The following MOB3B variants were observed in gnomAD, a reference collection of about 807,000 sequenced individuals.
MOB3B encodes the protein MOB kinase activator-like 2B.
MOB3B carries 7 observed loss-of-function variants against 18.7 expected under a neutral mutation model. The observed-to-expected ratio is 0.37, with a 90% confidence interval of 0.21 to 0.70. The LOEUF (loss-of-function observed/expected upper bound fraction) is 0.70. MOB3B is among the 30% of genes least tolerant of loss of function. The pLI, the probability that MOB3B is intolerant of heterozygous loss-of-function variation, is 0.52. For missense variants in MOB3B, 253 were observed against 281.3 expected (o/e 0.90, Z 0.72); for synonymous variants, 111 against 99.9 (o/e 1.11, Z -0.66).
intron 2 of MOB3B, among the ~76,000 whole-genome samples, chr9:27,368,349 T>C (rs1024159266): frequency 2.5e-4 from 29 of 115,822 alleles, no homozygotes; most frequent in African/African-American, 7.4e-4. Context: ...TACACACACA[T>C]ACATACACAC....
At chr9:27,509,086 A>T (rs1189739426) in intron 1 of MOB3B, among the ~76,000 whole-genome samples, 1 of 152,238 alleles carries the variant, frequency 6.6e-6, no homozygotes, top group Non-Finnish European at 1.5e-5. Flanking sequence ...GTACCATGCC[A>T]CCGTCTAAGT....
At position 27,452,642 on chromosome 9, in the gene MOB3B, A is replaced by G. The variant is rs572730757; in HGVS notation, c.418+2491T>C. Among the ~76,000 whole-genome samples, 3 of 152,376 alleles carry G rather than the reference A, an allele frequency of 2.0e-5. No individual in the cohort carries two copies. In the South Asian group the frequency reaches 6.2e-4, roughly 32 times the overall value. On this transcript the variant is annotated intron_variant, in intron 2 of 3. Transcript: ENST00000262244. The stretch of plus-strand genomic sequence containing the variant: ...AAATGGCTAACAGGTATATGAATGA[A>G]TAAAGAAAATGTGGTATATATACAC...
rs534168060 is a variant in MOB3B, at chr9:27,329,638, C to T, written c.*949G>A. Reference sequence around the variant, plus strand: ...CAAATAACCAATTGTACTTTTTTCACTGAAATGTTAGTATTATGTAGAGAC... The same window carrying T: ...CAAATAACCAATTGTACTTTTTTCATTGAAATGTTAGTATTATGTAGAGAC... On this transcript the variant is annotated 3_prime_UTR_variant, in exon 4 of 4. Coordinates refer to ENST00000262244, the MANE Select transcript of MOB3B (RefSeq NM_024761.5). 2.0e-5 allele frequency: 3 copies of T among 152,684 alleles called. No individual in the cohort carries two copies. The highest frequency in any genetic ancestry group is 1.3e-4 in the Admixed American group (2 of 15,286). 9.5% of individuals were successfully genotyped at this position (152,684 alleles called of 1,614,324 possible).
chr9:27,449,521 C>T (rs188672870), intron 2 of MOB3B, among the ~76,000 whole-genome samples: 22 of 152,296 alleles, frequency 1.4e-4, no homozygotes, highest in Admixed American at 1.4e-3. Flanking sequence ...CACACAGCAG[C>T]TTCTAAGTGA....
At chr9:27,384,207 G>A (rs1364503232) in intron 2 of MOB3B, among the ~76,000 whole-genome samples, 2 of 152,018 alleles carry the variant, frequency 1.3e-5, no homozygotes, top group Non-Finnish European at 2.9e-5. Context: ...ATGGAGCCAC[G>A]GTTAGACACC....
chr9:27,516,065 T>C (rs1365671997), intron 1 of MOB3B, among the ~76,000 whole-genome samples: 2 of 152,108 alleles, frequency 1.3e-5, no homozygotes, highest in African/African-American at 2.4e-5. Flanking sequence ...AGATGATGCA[T>C]CTAGAAACCA....
At chr9:27,359,388 G>GC (rs1279121003) in intron 2 of MOB3B, 152 bp from the exon 3 acceptor site, 3 of 600,280 alleles carry the variant, frequency 5.0e-6, no homozygotes, top group African/African-American at 1.8e-5. Context: ...TGGGGGGGGG[G>GC]GGTTGGTAGC....
chr9:27,365,162 C>CAAAAAAAAAAAAAAAAAAAAAAAA (rs61043046), intron 2 of MOB3B, among the ~76,000 whole-genome samples: 1 of 109,788 alleles, frequency 9.1e-6, no homozygotes. Flanking sequence ...TTGGGGGAGG[C>CAAAAAAAAAAAAAAAAAAAAAAAA]AAAAAAAAAA....
chr9:27,412,470 T>C (rs374763073), intron 2 of MOB3B, among the ~76,000 whole-genome samples: 1 of 152,350 alleles, frequency 6.6e-6, no homozygotes, highest in South Asian at 2.1e-4. Context: ...TTCAGTGCTA[T>C]GAGGAAATGC....
At chr9:27,391,229 A>G (rs538751534) in intron 2 of MOB3B, among the ~76,000 whole-genome samples, 5 of 152,202 alleles carry the variant, frequency 3.3e-5, no homozygotes, top group African/African-American at 1.2e-4. Flanking sequence ...GGCTGAGCAC[A>G]TCCTATTCAG....
chr9:27,445,256 G>A (rs1402427529), intron 2 of MOB3B, among the ~76,000 whole-genome samples: 2 of 152,114 alleles, frequency 1.3e-5, no homozygotes, highest in African/African-American at 4.8e-5. Flanking sequence ...ACTTAATTCT[G>A]ATAACCTTAC....
chr9:27,386,829 C>T (rs1821656257), intron 2 of MOB3B, among the ~76,000 whole-genome samples: 1 of 152,202 alleles, frequency 6.6e-6, no homozygotes, highest in South Asian at 2.1e-4. Context: ...ATCCCTCATT[C>T]AAGCACATTC....
chr9:27,389,492 T>A (rs1821696384), intron 2 of MOB3B, among the ~76,000 whole-genome samples: 1 of 147,868 alleles, frequency 6.8e-6, no homozygotes, highest in Non-Finnish European at 1.5e-5. Flanking sequence ...TTTTCCCATC[T>A]CTCTTGAGAT....
chr9:27,439,218 C>T (rs56344114), intron 2 of MOB3B, among the ~76,000 whole-genome samples: 26,814 of 152,024 alleles, frequency 0.18, 2,651 homozygotes, highest in Middle Eastern at 0.26. Context: ...GAAAGGCAAA[C>T]AGAATCTACC....
At position 27,326,358 on chromosome 9, in the gene MOB3B, T is replaced by C. The variant is rs1193248043; in HGVS notation, c.*4229A>G. ...ACAACTGGTAATAGCCTTCAGATATTTAATGGATATGCAAATAAAGCTCTG... is the reference window on the plus strand; with the variant it reads ...ACAACTGGTAATAGCCTTCAGATATCTAATGGATATGCAAATAAAGCTCTG... On this transcript the variant is annotated 3_prime_UTR_variant, in exon 4 of 4. Coordinates refer to ENST00000262244, the MANE Select transcript of MOB3B (RefSeq NM_024761.5). 1 of 397,440 alleles carries C rather than the reference T, an allele frequency of 2.5e-6. No homozygotes were observed. The highest frequency in any genetic ancestry group is 4.4e-6 in the Non-Finnish European group (1 of 225,714). The allele number at this position is 397,440 out of a possible 1,614,324, so 24.6% of individuals were successfully genotyped here.
At chr9:27,441,498 C>T (rs929648547) in intron 2 of MOB3B, among the ~76,000 whole-genome samples, 15 of 152,120 alleles carry the variant, frequency 9.9e-5, no homozygotes, top group Admixed American at 9.2e-4. Context: ...TAACTGATAA[C>T]CCAGATATCT....
chr9:27,512,247 GC>G (rs1171777334), intron 1 of MOB3B, among the ~76,000 whole-genome samples: 1 of 152,116 alleles, frequency 6.6e-6, no homozygotes, highest in African/African-American at 2.4e-5. Context: ...TCATGTTTAG[GC>G]CATCCTATAA....
chr9:27,470,114 G>A (rs116151670), intron 1 of MOB3B, among the ~76,000 whole-genome samples: 1,822 of 125,716 alleles, frequency 0.014, no homozygotes, highest in Middle Eastern at 0.021. Context: ...TCTCTTAAAA[G>A]AAAAAAAAAA....
chr9:27,487,483 T>C (rs1415689027), intron 1 of MOB3B, among the ~76,000 whole-genome samples: 1 of 152,144 alleles, frequency 6.6e-6, no homozygotes, highest in East Asian at 1.9e-4. Context: ...CAGACCCCTA[T>C]GTGCACAGTA....
Sources: gnomAD v4.1 joint callset for allele counts (sites outside exome capture counted in the v4.1 genomes callset) on GRCh38, gnomAD v4.1.1 for gene constraint, MANE v1.5 for transcripts, NCBI Gene and HGNC (gene_info 2026-07-23, HGNC 2026-07-21) for gene names.